CEMIP: variants seen among roughly 807,000 people sequenced by gnomAD.
CEMIP encodes cell migration-inducing and hyaluronan-binding protein.
CEMIP carries 105 observed loss-of-function variants against 156.9 expected under a neutral mutation model. The ratio of observed to expected loss-of-function variants is 0.67; its 90% CI spans 0.57 to 0.79. The LOEUF is 0.79. Among genes scored for constraint, CEMIP ranks in the 30% least tolerant of loss-of-function variants. The probability of loss-of-function intolerance (pLI) is 0.00; values close to 1 mark genes in which losing one functional copy is unlikely to be tolerated. For missense variants in CEMIP, 1,457 were observed against 1,769.4 expected (o/e 0.82, Z 3.17); for synonymous variants, 676 against 668.4 (o/e 1.01, Z -0.17).
Position 80,909,128 on chromosome 15 carries a change from A to T in CEMIP, c.1619A>T (p.Glu540Val), listed in dbSNP as rs946534103. The change falls in exon 14 of 30, where the codon GAG becomes GTG. Residue 540 changes from glutamate to valine, a missense_variant. By Grantham distance (121) the Glu-to-Val change is moderately radical (BLOSUM62 -2). Coordinates refer to ENST00000394685, the MANE Select transcript of CEMIP (RefSeq NM_001293298.2). ...CTGGGATTTAAGGCAGCACACTTGG[A>T]GGGCACGGAGCTGAAGCATATGGGA... The part of the protein sequence containing the change: ...FALGFKAAHL[E>V]GTELKHMGQQ... 6.2e-7 allele frequency: 1 copy of T among 1,613,990 alleles called. No homozygotes were observed. The highest frequency in any genetic ancestry group is 1.3e-5 in the African/African-American group (1 of 74,924).
Position 80,800,950 on chromosome 15 carries a change from T to C in CEMIP, c.-176+21336T>C, listed in dbSNP as rs537225037. On this transcript the variant is annotated intron_variant, in intron 1 of 29. Coordinates refer to ENST00000394685, the MANE Select transcript of CEMIP (RefSeq NM_001293298.2). ...GCTGGGCTACACCTTCCTCTCCAGC[T>C]TCTTGTCCAGCTGCTTCTCCCTTCT... Among the ~76,000 whole-genome samples, 6 of 152,356 alleles carry C rather than the reference T, an allele frequency of 3.9e-5. No homozygotes were observed. The South Asian group carries it at 1.2e-3, about 32-fold the overall frequency.
Position 80,941,963 on chromosome 15 carries a change from C to T in CEMIP, c.3522C>T (p.Val1174=). ...IKALIPKNAG[V]SDCTATAYPK... is the part of the protein sequence containing the mutation. ...CTCTGATTCCAAAGAACGCAGGCGTCAGTGACTGCACAGCCACAGCTTACC... is the reference window on the plus strand; with the variant it reads ...CTCTGATTCCAAAGAACGCAGGCGTTAGTGACTGCACAGCCACAGCTTACC... The change falls in exon 26 of 30, where the codon GTC becomes GTT. Residue 1174 remains valine, a synonymous_variant. Coordinates refer to ENST00000394685, the MANE Select transcript of CEMIP (RefSeq NM_001293298.2). 6.2e-7 allele frequency: 1 copy of T among 1,614,060 alleles called. No individual in the cohort carries two copies. The highest frequency in any genetic ancestry group is 8.5e-7 in the Non-Finnish European group (1 of 1,179,994).
In CEMIP at chr15:80,936,761, G is replaced by A; in HGVS notation, c.3097G>A (p.Ala1033Thr). 6.2e-7 allele frequency: 1 copy of A among 1,614,194 alleles called. No individual in the cohort carries two copies. Among genetic ancestry groups the A allele is most frequent in the South Asian group, 1.1e-5 (1 of 91,088 alleles). ...FPSHPLYLEG[A>T]LTRSTHYQQY... ...CAGCCACCCTCTTTACCTGGAGGGGGCGCTCACCAGGAGCACCCATTACCA... is the reference window on the plus strand; with the variant it reads ...CAGCCACCCTCTTTACCTGGAGGGGACGCTCACCAGGAGCACCCATTACCA... Residue 1033 changes from alanine to threonine, a missense_variant, in exon 24 of 30, where the codon GCG becomes ACG. Physicochemically the swap from Ala to Thr is moderately conservative, Grantham distance 58. Around this residue, in one of 5 missense-constraint regions of CEMIP, gnomAD observed 798 missense variants for 980.1 expected, o/e 0.81. Transcript: ENST00000394685.
rs1009874857 is a variant in CEMIP at position 80,895,962 on chromosome 15, C to T, written c.1313C>T (p.Thr438Ile). The T allele has an allele frequency of 1.2e-6, 2 of 1,614,000 alleles. No homozygotes were observed. Among genetic ancestry groups the T allele is most frequent in the African/African-American group, 1.3e-5 (1 of 74,900 alleles). The change falls in exon 12 of 30, where the codon ACC becomes ATC. Residue 438 changes from threonine to isoleucine, a missense_variant. Thr to Ile is a moderately conservative substitution (Grantham distance 89, BLOSUM62 -1). Around this residue, in one of 5 missense-constraint regions of CEMIP, gnomAD observed 280 missense variants for 300.3 expected, o/e 0.93. Transcript: ENST00000394685. ...GTACAGTCATGGAAACCTGGAGATACCCTGGTCATTGCCAGTACTGATTAC... is the reference window on the plus strand; with the variant it reads ...GTACAGTCATGGAAACCTGGAGATATCCTGGTCATTGCCAGTACTGATTAC... ...DNVQSWKPGDTLVIASTDYSM... is the reference protein window; with the variant it reads ...DNVQSWKPGDILVIASTDYSM...
intron 10 of CEMIP, among the ~76,000 whole-genome samples, chr15:80,891,293 C>G (rs1387505059): frequency 6.6e-6 from 1 of 152,172 alleles, no homozygotes; most frequent in African/African-American, 2.4e-5. Flanking sequence ...CCCACTCTTG[C>G]ATTTACTTTG....
intron 14 of CEMIP, among the ~76,000 whole-genome samples, chr15:80,917,022 T>G (rs572768391): frequency 2.0e-5 from 3 of 152,308 alleles, no homozygotes; most frequent in African/African-American, 7.2e-5. Context: ...TTGGGGCAAC[T>G]TTCTAAGTCT....
rs1411096188 is a variant in CEMIP, at chr15:80,906,828, G to A, written c.1577G>A (p.Gly526Asp). The A allele has an allele frequency of 1.2e-6, 2 of 1,612,814 alleles. No individual in the cohort carries two copies. The highest frequency in any genetic ancestry group is 1.7e-6 in the Non-Finnish European group (2 of 1,179,428). Residue 526 changes from glycine (G) to aspartate (D), a missense_variant, in exon 13 of 30, where the codon GGC (glycine) becomes GAC (aspartate). Coordinates refer to ENST00000394685, the MANE Select transcript of CEMIP (RefSeq NM_001293298.2). The surrounding 1 kb of genome is among the most constrained non-coding windows in gnomAD (Gnocchi z 4.3). The part of the protein sequence containing the change: ...CNFFDFDTFG[G>D]HIKFALGFKA... ...TTCTTTGACTTCGATACCTTTGGGGGCCACATCAAGGTATGTGTCTCTCTG... is the reference window on the plus strand; with the variant it reads ...TTCTTTGACTTCGATACCTTTGGGGACCACATCAAGGTATGTGTCTCTCTG...
chr15:80,886,401 A>C (rs977617936), intron 7 of CEMIP, among the ~76,000 whole-genome samples: 4 of 152,222 alleles, frequency 2.6e-5, no homozygotes, highest in Admixed American at 6.5e-5. Flanking sequence ...TGAAGGATTT[A>C]AGCAGGAAAG....
intron 1 of CEMIP, among the ~76,000 whole-genome samples, chr15:80,827,625 AAAC>A (rs887201529): frequency 1.3e-5 from 2 of 152,156 alleles, no homozygotes; most frequent in Non-Finnish European, 2.9e-5. Context: ...TTTCAAAAAC[AAAC>A]AACAACAACA....
Position 80,932,766 on chromosome 15 carries a change from T to C in CEMIP, c.2794-479T>C, listed in dbSNP as rs1900970231. Reference sequence around the variant, plus strand: ...AGTTATGGAAATCTGCAAGGGCTCATGCTGCAAAACTGTCTTCCTGAAACG... The same window carrying C: ...AGTTATGGAAATCTGCAAGGGCTCACGCTGCAAAACTGTCTTCCTGAAACG... On this transcript the variant is annotated intron_variant, in intron 22 of 29. Transcript: ENST00000394685. The surrounding 1 kb of genome is among the most constrained non-coding windows in gnomAD (Gnocchi z 4.5). 6.6e-6 allele frequency among the ~76,000 whole-genome samples: 1 copy of C among 152,226 alleles called. No individual in the cohort carries two copies. The highest frequency in any genetic ancestry group is 2.4e-5 in the African/African-American group (1 of 41,458).
At chr15:80,914,455 C>G (rs1253178545) in intron 14 of CEMIP, among the ~76,000 whole-genome samples, 1 of 152,202 alleles carries the variant, frequency 6.6e-6, no homozygotes, top group Non-Finnish European at 1.5e-5. Context: ...ACATGTGGCC[C>G]TGCAGGTTGT....
Position 80,807,854 on chromosome 15 carries a change from T to A in CEMIP, c.-176+28240T>A, listed in dbSNP as rs1896553173. On this transcript the variant is annotated intron_variant, in intron 1 of 29. Coordinates refer to ENST00000394685, the MANE Select transcript of CEMIP (RefSeq NM_001293298.2). ...GGGGTAGTTTATAGGTTGCTGAGAT[T>A]GTGTCCTGGTGTTCGTAGGCACCTG... Among the ~76,000 whole-genome samples the A allele has an allele frequency of 2.0e-5, 3 of 152,250 alleles. No individual in the cohort carries two copies. In the East Asian group the frequency reaches 5.8e-4, roughly 29 times the overall value.
intron 14 of CEMIP, among the ~76,000 whole-genome samples, chr15:80,910,713 A>G (rs560772918): frequency 6.6e-6 from 1 of 152,166 alleles, no homozygotes; most frequent in African/African-American, 2.4e-5. Flanking sequence ...ACCTCTCTGA[A>G]CCTCAGTTTC....
At chr15:80,818,027 T>G (rs192964045) in intron 1 of CEMIP, among the ~76,000 whole-genome samples, 213 of 152,314 alleles carry the variant, frequency 1.4e-3, no homozygotes, top group Non-Finnish European at 2.4e-3. Flanking sequence ...TTTACGTGGT[T>G]GTTGAGAGGA....
At chr15:80,814,148 A>C (rs1290092453) in intron 1 of CEMIP, among the ~76,000 whole-genome samples, 1 of 142,616 alleles carries the variant, frequency 7.0e-6, no homozygotes, top group East Asian at 2.2e-4. Flanking sequence ...TCTCGGGTTC[A>C]CGCCATTCTC....
chr15:80,882,105 G>A (rs1308167062), intron 6 of CEMIP, among the ~76,000 whole-genome samples: 1 of 152,152 alleles, frequency 6.6e-6, no homozygotes, highest in Non-Finnish European at 1.5e-5. Flanking sequence ...CCCGAGCTGT[G>A]GGTGTCACCA....
intron 1 of CEMIP, among the ~76,000 whole-genome samples, chr15:80,848,900 G>GCACACACACACACACACACTCA (rs1555430245): frequency 7.4e-6 from 1 of 134,576 alleles, no homozygotes; most frequent in Admixed American, 7.6e-5. Flanking sequence ...GTGTGCGCGT[G>GCACACACACACACACACACTCA]CACACACACA....
chr15:80,828,418 C>T (rs190205154), intron 1 of CEMIP, among the ~76,000 whole-genome samples: 86 of 152,120 alleles, frequency 5.7e-4, no homozygotes, highest in African/African-American at 2.0e-3. Flanking sequence ...ACGCAGCAGT[C>T]CCAGAATCCA....
rs1196230359 is a variant in CEMIP, at chr15:80,879,766, C to T, written c.292C>T (p.His98Tyr). ...CGAGCCGATTGTTTTGCGAACCCGG[C>T]ACATCCTGATTGACAACGGAGGAGA... is the stretch of plus-strand genomic sequence containing the variant. ...HDEPIVLRTR[H>Y]ILIDNGGELH... The change falls in exon 5 of 30, where the codon CAC (histidine) becomes TAC (tyrosine). Residue 98 changes from histidine to tyrosine, a missense_variant. His to Tyr is a moderately conservative substitution (Grantham distance 83). Coordinates refer to ENST00000394685, the MANE Select transcript of CEMIP (RefSeq NM_001293298.2). 2 of 1,614,092 alleles carry T rather than the reference C, an allele frequency of 1.2e-6. No individual in the cohort carries two copies. The highest frequency in any genetic ancestry group is 1.3e-5 in the African/African-American group (1 of 74,920).
Sources: allele counts gnomAD v4.1 joint callset (sites outside exome capture counted in the v4.1 genomes callset), GRCh38; gene constraint gnomAD v4.1.1; regional missense constraint gnomAD v4.1.1; non-coding constraint Gnocchi (gnomAD v3.1); transcripts MANE v1.5; gene names NCBI Gene and HGNC (gene_info 2026-07-23, HGNC 2026-07-21).